PRTFDC1: variants seen among roughly 807,000 people sequenced by gnomAD.
The protein encoded by PRTFDC1 is phosphoribosyltransferase domain-containing protein 1.
A neutral mutation model predicts 34.6 loss-of-function variants in PRTFDC1; 38 were observed. The ratio of observed to expected loss-of-function variants is 1.10; its 90% confidence interval spans 0.85 to 1.44. The LOEUF is 1.44. Among genes scored for constraint, PRTFDC1 ranks in the 40% most tolerant of loss-of-function variants. The probability of loss-of-function intolerance (pLI) is 0.00; values close to 1 mark genes in which losing one functional copy is unlikely to be tolerated. For missense variants in PRTFDC1, 270 were observed against 283.0 expected, an observed-to-expected ratio of 0.95 and a Z score of 0.33; for synonymous variants, 93 against 98.1, an observed-to-expected ratio of 0.95 and a Z score of 0.31.
At chr10:24,948,326 C>G (rs1849285392) in intron 1 of PRTFDC1, among the ~76,000 whole-genome samples, 2 of 152,090 alleles carry the variant, frequency 1.3e-5, no homozygotes. Context: ...ACCCGATCCC[C>G]AAAAGCCAGG....
intron 1 of PRTFDC1, chr10:24,951,405 C>T (rs1849342172): frequency 5.6e-6 from 2 of 356,740 alleles, no homozygotes; most frequent in African/African-American, 2.2e-5. Context: ...TACAACCCAG[C>T]AGGACAATAA....
At chr10:24,911,015 G>A (rs1027699003) in intron 3 of PRTFDC1, among the ~76,000 whole-genome samples, 2 of 150,074 alleles carry the variant, frequency 1.3e-5, no homozygotes, top group African/African-American at 4.9e-5. Context: ...TTTCTTTATC[G>A]AATTCCAATT....
intron 3 of PRTFDC1, among the ~76,000 whole-genome samples, chr10:24,898,173 G>T (rs1386388283): frequency 6.6e-6 from 1 of 151,280 alleles, no homozygotes; most frequent in Non-Finnish European, 1.5e-5. Context: ...AGCTGAGGCT[G>T]TGCGCAGTGG....
intron 4 of PRTFDC1, among the ~76,000 whole-genome samples, chr10:24,868,785 T>C (rs915305101): frequency 1.1e-5 from 1 of 88,350 alleles, no homozygotes; most frequent in Non-Finnish European, 2.4e-5. Context: ...TGGGTGCCTT[T>C]TCCTTTTACA....
rs1849266701 is a variant in PRTFDC1, at chr10:24,947,414, A to G, written c.49-4978T>C. Among the ~76,000 whole-genome samples the G allele has an allele frequency of 2.0e-5, 3 of 152,322 alleles. No individual in the cohort carries two copies. The South Asian group carries it at 6.2e-4, about 32-fold the overall frequency. ...ACTTGCTTTTTAAAAAATCAAAACC[A>G]GAGTCTGTAGATAGTTTCAGTATCA... On this transcript the variant is annotated intron_variant, in intron 1 of 8. Coordinates refer to ENST00000320152, the MANE Select transcript of PRTFDC1 (RefSeq NM_020200.7).
chr10:24,917,842 T>C (rs1848719351), intron 3 of PRTFDC1, among the ~76,000 whole-genome samples: 1 of 152,128 alleles, frequency 6.6e-6, no homozygotes, highest in Non-Finnish European at 1.5e-5. Flanking sequence ...CAGTGCCTCA[T>C]TGGTGGGGGC....
intron 3 of PRTFDC1, among the ~76,000 whole-genome samples, chr10:24,904,885 C>T (rs1361867919): frequency 1.3e-5 from 2 of 152,172 alleles, no homozygotes; most frequent in Non-Finnish European, 2.9e-5. Context: ...CCACCTTATG[C>T]CAACGACTCC....
At position 24,849,218 on chromosome 10, in the gene PRTFDC1, A is replaced by C. The variant is rs1396295350; in HGVS notation, c.*626T>G. 6.5e-6 allele frequency: 1 copy of C among 152,726 alleles called. No homozygotes were observed. Among genetic ancestry groups the C allele is most frequent in the African/African-American group, 2.4e-5 (1 of 41,468 alleles). The allele number at this position is 152,726 out of a possible 1,614,324, so 9.5% of individuals were successfully genotyped here. A position where few individuals can be genotyped will look rare whatever the true frequency, so the allele number is the denominator to read the frequency against. The stretch of plus-strand genomic sequence containing the variant: ...TCACATACCGGAAGCTCCAATCAAG[A>C]GCCCCGAGCAAAGCTCGTTTCATAA... On this transcript the variant is annotated 3_prime_UTR_variant, in exon 9 of 9. Transcript: ENST00000320152.
At chr10:24,946,736 AT>A (rs1849255985) in intron 1 of PRTFDC1, among the ~76,000 whole-genome samples, 1 of 152,268 alleles carries the variant, frequency 6.6e-6, no homozygotes, top group South Asian at 2.1e-4. Flanking sequence ...AATGCTAATC[AT>A]TTAGATGAAC....
Position 24,952,164 on chromosome 10 carries a change from G to A in PRTFDC1, c.48+364C>T, listed in dbSNP as rs573732985. Among the ~76,000 whole-genome samples the A allele has an allele frequency of 6.6e-6, 1 of 152,348 alleles. No individual in the cohort carries two copies. The highest frequency in any genetic ancestry group is 2.1e-4 in the South Asian group (1 of 4,830). Reference sequence around the variant, plus strand: ...AGTCAAGAGGAGACCCAGGAAGAAGGAGGCCTCCAGAGCAGCACGCGGGGG... The same window carrying A: ...AGTCAAGAGGAGACCCAGGAAGAAGAAGGCCTCCAGAGCAGCACGCGGGGG... On this transcript the variant is annotated intron_variant, in intron 1 of 8. Transcript: ENST00000320152. The surrounding 1 kb of genome is among the most constrained non-coding windows in gnomAD (Gnocchi z 5.1).
Position 24,851,463 on chromosome 10 carries a change from A to G in PRTFDC1, c.555T>C (p.Tyr185=), listed in dbSNP as rs1847488011. The G allele has an allele frequency of 6.2e-7, 1 of 1,608,308 alleles. No individual in the cohort carries two copies. The highest frequency in any genetic ancestry group is 8.5e-7 in the Non-Finnish European group (1 of 1,179,144). ...TSRSDGFRPD[Y]AGFEIPNLFV... ...ATAAGTTTGGAATCTCAAATCCAGC[A>G]TCTTAGCAGACAGAGAAAGAGAAAA... Residue 185 remains tyrosine (Y), a splice_region_variant and synonymous_variant, in exon 8 of 9, where the codon TAT becomes TAC. Transcript: ENST00000320152.
chr10:24,890,261 A>G (rs1170933534), intron 3 of PRTFDC1, among the ~76,000 whole-genome samples: 1 of 152,210 alleles, frequency 6.6e-6, no homozygotes, highest in Non-Finnish European at 1.5e-5. Flanking sequence ...TGAGTACCAT[A>G]GTCTAGGCTG....
chr10:24,857,984 G>A (rs1240104492), intron 5 of PRTFDC1, among the ~76,000 whole-genome samples: 1 of 152,152 alleles, frequency 6.6e-6, no homozygotes, highest in Non-Finnish European at 1.5e-5. Flanking sequence ...GATGCTGAAA[G>A]TATTTGAGAA....
chr10:24,917,692 A>G (rs1848716580), intron 3 of PRTFDC1, among the ~76,000 whole-genome samples: 1 of 152,184 alleles, frequency 6.6e-6, no homozygotes, highest in South Asian at 2.1e-4. Context: ...CAGGGGGCAG[A>G]GATTGATGAC....
chr10:24,895,172 A>G (rs2132544315), intron 3 of PRTFDC1, among the ~76,000 whole-genome samples: 1 of 152,204 alleles, frequency 6.6e-6, no homozygotes, highest in East Asian at 1.9e-4. Context: ...TACCAGATTT[A>G]AATTAGAAAG....
In PRTFDC1 at chr10:24,870,148, C is replaced by T. The variant is rs1287506181; in HGVS notation, c.405+1850G>A. On this transcript the variant is annotated intron_variant, in intron 4 of 8. Coordinates refer to ENST00000320152, the MANE Select transcript of PRTFDC1 (RefSeq NM_020200.7). ...TTTAAGGGACAGAGTCTTGTTCTGT[C>T]GCCCAGGCTGGAGTGCACTGGTGCC... Among the ~76,000 whole-genome samples, 6 of 152,100 alleles carry T rather than the reference C, an allele frequency of 3.9e-5. No homozygotes were observed. The East Asian group carries it at 5.8e-4, about 15-fold the overall frequency.
At chr10:24,925,626 C>T (rs887619837) in intron 3 of PRTFDC1, among the ~76,000 whole-genome samples, 3 of 152,078 alleles carry the variant, frequency 2.0e-5, no homozygotes, top group Non-Finnish European at 2.9e-5. Context: ...AAATGATAAA[C>T]GGAGGAAATG....
chr10:24,920,051 G>A (rs149291143), intron 3 of PRTFDC1, among the ~76,000 whole-genome samples: 1,885 of 152,214 alleles, frequency 0.012, 44 homozygotes, highest in African/African-American at 0.043. Context: ...CAACCATTAT[G>A]GAAGACAGTG....
intron 3 of PRTFDC1, among the ~76,000 whole-genome samples, chr10:24,874,194 G>A (rs1264164759): frequency 6.6e-6 from 1 of 152,042 alleles, no homozygotes; most frequent in East Asian, 1.9e-4. Context: ...GGTCCACTAA[G>A]TTAGATAAAA....
Sources: gnomAD v4.1 joint callset for allele counts (sites outside exome capture counted in the v4.1 genomes callset) on GRCh38, gnomAD v4.1.1 for gene constraint, Gnocchi (gnomAD v3.1) non-coding constraint, MANE v1.5 for transcripts, NCBI Gene and HGNC (gene_info 2026-07-23, HGNC 2026-07-21) for gene names.